The following MGMT variants were observed in gnomAD, a reference collection of about 807,000 sequenced individuals.
MGMT encodes the protein methylated-DNA--protein-cysteine methyltransferase.
A neutral mutation model predicts 15.9 loss-of-function variants in MGMT; 14 were observed. The observed-to-expected ratio is 0.88, with a 90% CI of 0.58 to 1.37. MGMT has a LOEUF of 1.37. Ranked by LOEUF, MGMT falls within the 40% of genes most tolerant of loss-of-function variation. The pLI is 0.00. For missense variants in MGMT, 282 were observed against 268.1 expected, an observed-to-expected ratio of 1.05 and a Z score of -0.36; for synonymous variants, 130 against 118.2, an observed-to-expected ratio of 1.10 and a Z score of -0.65.
intron 1 of MGMT, among the ~76,000 whole-genome samples, chr10:129,520,552 G>T (rs1248588945): frequency 6.6e-6 from 1 of 151,332 alleles, no homozygotes; most frequent in Non-Finnish European, 1.5e-5. Flanking sequence ...AGCCCCTACC[G>T]TGCAGGTGCA....
chr10:129,569,125 A>G (rs1029571942), intron 2 of MGMT, among the ~76,000 whole-genome samples: 1 of 152,180 alleles, frequency 6.6e-6, no homozygotes, highest in Non-Finnish European at 1.5e-5. Context: ...GGGCTCTGGC[A>G]GGTTACCTCA....
At chr10:129,681,849 G>A (rs1448597064) in intron 2 of MGMT, among the ~76,000 whole-genome samples, 1 of 152,086 alleles carries the variant, frequency 6.6e-6, no homozygotes, top group African/African-American at 2.4e-5. Context: ...TCTGACAGAG[G>A]AGTTGTATTC....
At chr10:129,537,596 G>A (rs1365408419) in intron 2 of MGMT, among the ~76,000 whole-genome samples, 2 of 151,950 alleles carry the variant, frequency 1.3e-5, no homozygotes, top group Non-Finnish European at 2.9e-5. Flanking sequence ...GGTACAAAGT[G>A]AATTTGGGGA....
intron 1 of MGMT, among the ~76,000 whole-genome samples, chr10:129,486,381 GT>G (rs1258632594): frequency 1.3e-5 from 2 of 151,958 alleles, no homozygotes; most frequent in Admixed American, 1.3e-4. Flanking sequence ...TAGAGATGGG[GT>G]TTTGCCACGT....
Position 129,759,224 on chromosome 10 carries a change from A to G in MGMT, c.297A>G (p.Leu99=), listed in dbSNP as rs770983786. The G allele has an allele frequency of 6.2e-7, 1 of 1,614,160 alleles. No homozygotes were observed. Among genetic ancestry groups the G allele is most frequent in the African/African-American group, 1.3e-5 (1 of 75,058 alleles). Residue 99 remains leucine, a synonymous_variant, in exon 4 of 5, where the codon TTA becomes TTG. Transcript: ENST00000651593. ...FQQESFTRQV[L]WKLLKVVKFG... Reference sequence around the variant, plus strand: ...CAGAGTCGTTCACCAGACAGGTGTTATGGAAGCTGCTGAAGGTTGTGAAAT... The same window carrying G: ...CAGAGTCGTTCACCAGACAGGTGTTGTGGAAGCTGCTGAAGGTTGTGAAAT...
In MGMT at chr10:129,606,959, A is replaced by G. The variant is rs542531631; in HGVS notation, c.125+70582A>G. 3.8e-4 allele frequency among the ~76,000 whole-genome samples: 58 copies of G among 152,304 alleles called. No homozygotes were observed. In the East Asian group the frequency reaches 4.6e-3, roughly 12 times the overall value. On this transcript the variant is annotated intron_variant, in intron 2 of 4. Coordinates refer to ENST00000651593, the MANE Select transcript of MGMT (RefSeq NM_002412.5). Reference sequence around the variant, plus strand: ...ATATTTAATAACAACTAGACTTGTGACTTTATGTTGTTTTTAAATGGGCTG... The same window carrying G: ...ATATTTAATAACAACTAGACTTGTGGCTTTATGTTGTTTTTAAATGGGCTG...
intron 2 of MGMT, among the ~76,000 whole-genome samples, chr10:129,626,967 G>A (rs1308558959): frequency 6.6e-6 from 1 of 152,190 alleles, no homozygotes; most frequent in Non-Finnish European, 1.5e-5. Context: ...CAGAGATCAA[G>A]GAGAGTGATG....
chr10:129,749,189 A>G (rs1047489999), intron 3 of MGMT, among the ~76,000 whole-genome samples: 8 of 152,164 alleles, frequency 5.3e-5, no homozygotes, highest in Admixed American at 4.6e-4. Flanking sequence ...GTAAGCTTCT[A>G]TGGCCTTTGA....
intron 2 of MGMT, among the ~76,000 whole-genome samples, chr10:129,601,262 A>G (rs953604278): frequency 6.6e-6 from 1 of 152,210 alleles, no homozygotes; most frequent in African/African-American, 2.4e-5. Context: ...ACAGTAGTAT[A>G]CAAACTTGGT....
intron 1 of MGMT, among the ~76,000 whole-genome samples, chr10:129,509,382 C>T (rs12242588): frequency 0.049 from 7,443 of 152,222 alleles, 633 homozygotes; most frequent in African/African-American, 0.17. Context: ...GCCCTGCACA[C>T]GGTTCCTGTG....
intron 1 of MGMT, among the ~76,000 whole-genome samples, chr10:129,497,357 G>A (rs892698418): frequency 6.6e-6 from 1 of 152,118 alleles, no homozygotes; most frequent in African/African-American, 2.4e-5. Context: ...GCGTGGTGAG[G>A]GCCCTGCAGA....
At chr10:129,535,037 G>A (rs1346572969) in intron 1 of MGMT, among the ~76,000 whole-genome samples, 1 of 152,172 alleles carries the variant, frequency 6.6e-6, no homozygotes, top group Non-Finnish European at 1.5e-5. Context: ...TACAAAGACA[G>A]GTGCAGTGAG....
intron 2 of MGMT, among the ~76,000 whole-genome samples, chr10:129,636,017 A>C (rs189849314): frequency 3.9e-5 from 6 of 152,360 alleles, no homozygotes; most frequent in Admixed American, 1.3e-4. Flanking sequence ...CTCTTGGCCA[A>C]TATGTTTGAA....
intron 2 of MGMT, among the ~76,000 whole-genome samples, chr10:129,555,060 A>C (rs1197825137): frequency 6.6e-6 from 1 of 152,172 alleles, no homozygotes; most frequent in African/African-American, 2.4e-5. Flanking sequence ...CATAGTAAGC[A>C]CTCAATAAAT....
intron 2 of MGMT, among the ~76,000 whole-genome samples, chr10:129,568,320 CTG>C (rs1439414444): frequency 6.6e-5 from 10 of 152,196 alleles, no homozygotes; most frequent in African/African-American, 2.4e-4. Flanking sequence ...GCTCAGGACA[CTG>C]GGGTGCCACG....
chr10:129,562,558 T>C (rs1022039532), intron 2 of MGMT, among the ~76,000 whole-genome samples: 3 of 152,194 alleles, frequency 2.0e-5, no homozygotes, highest in Admixed American at 2.0e-4. Flanking sequence ...GCAGACTGGG[T>C]GTTAATTTTC....
chr10:129,631,119 A>G (rs1847204833), intron 2 of MGMT, among the ~76,000 whole-genome samples: 1 of 151,780 alleles, frequency 6.6e-6, no homozygotes, highest in Non-Finnish European at 1.5e-5. Flanking sequence ...TTTGTTTCTC[A>G]ACTTTTATTT....
At chr10:129,646,164 G>A (rs1847386223) in intron 2 of MGMT, among the ~76,000 whole-genome samples, 1 of 152,124 alleles carries the variant, frequency 6.6e-6, no homozygotes, top group Non-Finnish European at 1.5e-5. Context: ...GTGTTCAGAT[G>A]GCGGAAGGGA....
chr10:129,564,302 C>G (rs1329473237), intron 2 of MGMT: 1 of 40,654 alleles, frequency 2.5e-5, no homozygotes, highest in African/African-American at 9.2e-5. Flanking sequence ...CCCCCTCCTT[C>G]CTCCCCCTCT....
Sources: allele counts gnomAD v4.1 joint callset (sites outside exome capture counted in the v4.1 genomes callset), GRCh38; gene constraint gnomAD v4.1.1; transcripts MANE v1.5; gene names NCBI Gene and HGNC (gene_info 2026-07-23, HGNC 2026-07-21).